The following NRP2 variants were observed in gnomAD, a reference collection of about 807,000 sequenced individuals.
NRP2 encodes the protein neuropilin-2.
In NRP2, 52 loss-of-function variants were observed where a neutral mutation model predicts 110.4. The observed-to-expected ratio is 0.47, with a 90% CI of 0.38 to 0.59. The LOEUF is 0.59. Among genes scored for constraint, NRP2 ranks in the 20% least tolerant of loss-of-function variants. The pLI is 0.00. For synonymous variants in NRP2, 508 were observed against 468.9 expected (o/e 1.08, Z -1.08); for missense variants, 1,049 against 1,203.0 (o/e 0.87, Z 1.89).
At chr2:205,792,754 T>A (rs533560628) in intron 16 of NRP2, among the ~76,000 whole-genome samples, 1 of 152,316 alleles carries the variant, frequency 6.6e-6, no homozygotes, top group South Asian at 2.1e-4. Flanking sequence ...TCTTGCAAGA[T>A]TTCGGTTTCT....
intron 12 of NRP2, among the ~76,000 whole-genome samples, chr2:205,757,908 T>C (rs2057759013): frequency 6.6e-6 from 1 of 151,192 alleles, no homozygotes; most frequent in African/African-American, 2.4e-5. Flanking sequence ...TTTTTTTTTT[T>C]TTCCTGCAAA....
intron 10 of NRP2, among the ~76,000 whole-genome samples, chr2:205,747,060 C>T (rs1156981061): frequency 6.6e-6 from 1 of 152,156 alleles, no homozygotes; most frequent in Admixed American, 6.5e-5. Context: ...AACCTCCCCC[C>T]GATACAAGCT....
intron 12 of NRP2, among the ~76,000 whole-genome samples, chr2:205,754,419 A>C (rs1410539974): frequency 1.3e-5 from 2 of 152,114 alleles, no homozygotes; most frequent in African/African-American, 4.8e-5. Context: ...TCCGGAGAAA[A>C]ACATTTTCAT....
At chr2:205,736,007 T>C (rs1268828481) in intron 7 of NRP2, among the ~76,000 whole-genome samples, 2 of 152,212 alleles carry the variant, frequency 1.3e-5, no homozygotes, top group Non-Finnish European at 1.5e-5. Context: ...TGATTTTCCT[T>C]TGGGTAGTAA....
Position 205,795,544 on chromosome 2 carries a change from CA to C in NRP2, c.*489del. On this transcript the variant is annotated 3_prime_UTR_variant, in exon 17 of 17. Transcript: ENST00000357785. Reference sequence around the variant, plus strand: ...TGTCTTTTCAGCCTTTCCATCTTTACAAATAAAACTCAAAAAAGCCGTCCAG... The same window carrying C: ...TGTCTTTTCAGCCTTTCCATCTTTACAATAAAACTCAAAAAAGCCGTCCAG... 1 of 152,574 alleles carries C rather than the reference CA, an allele frequency of 6.6e-6. No homozygotes were observed. Among genetic ancestry groups the C allele is most frequent in the Non-Finnish European group, 1.5e-5 (1 of 68,080 alleles). 9.5% of individuals were successfully genotyped at this position (152,574 alleles called of 1,614,324 possible).
chr2:205,757,615 G>A (rs1340483094), intron 12 of NRP2, among the ~76,000 whole-genome samples: 3 of 152,188 alleles, frequency 2.0e-5, no homozygotes, highest in South Asian at 2.1e-4. Context: ...ACCGATGGCA[G>A]CAAACAATCC....
intron 6 of NRP2, among the ~76,000 whole-genome samples, chr2:205,727,292 G>A (rs2105825071): frequency 6.6e-6 from 1 of 152,348 alleles, no homozygotes; most frequent in Admixed American, 6.5e-5. Context: ...TGTGGGAGGG[G>A]AAGTACCTTA....
rs143896442 is a variant in NRP2, at chr2:205,735,940, A to C, written c.1147-4579A>C. Among the ~76,000 whole-genome samples, 325 of 152,336 alleles carry C rather than the reference A, an allele frequency of 2.1e-3. 4 individuals carry two copies. Among genetic ancestry groups the C allele is most frequent in the Admixed American group, 0.015 (227 of 15,306 alleles). On this transcript the variant is annotated intron_variant, in intron 7 of 16. Coordinates refer to ENST00000357785, the MANE Select transcript of NRP2 (RefSeq NM_003872.3). ...ATACGCACACACATATATTTTTAAT[A>C]ATTACAACATAATCAACACTAGCAT... is the stretch of plus-strand genomic sequence containing the variant.
chr2:205,703,756 C>G (rs2056612715), intron 2 of NRP2, among the ~76,000 whole-genome samples: 1 of 152,074 alleles, frequency 6.6e-6, no homozygotes, highest in Non-Finnish European at 1.5e-5. Context: ...AGCAGCATGC[C>G]CAAAGACAAG....
At position 205,686,743 on chromosome 2, in the gene NRP2, G is replaced by A. The variant is rs551537081; in HGVS notation, c.73+3380G>A. Among the ~76,000 whole-genome samples the A allele has an allele frequency of 3.1e-4, 47 of 152,188 alleles. No homozygotes were observed. Among genetic ancestry groups the A allele is most frequent in the African/African-American group, 1.1e-3 (47 of 41,526 alleles). On this transcript the variant is annotated intron_variant, in intron 1 of 16. Coordinates refer to ENST00000357785, the MANE Select transcript of NRP2 (RefSeq NM_003872.3). The surrounding 1 kb of genome is among the most constrained non-coding windows in gnomAD (Gnocchi z 4.7). ...TATGCGTTGCGGCTTCTGCGGCTCC[G>A]GCTGAATTTCTTCTAAAAGATAGGA...
intron 1 of NRP2, among the ~76,000 whole-genome samples, chr2:205,690,258 A>C (rs2056281099): frequency 1.3e-5 from 2 of 152,208 alleles, no homozygotes; most frequent in African/African-American, 4.8e-5. Context: ...GAGGGGGTTG[A>C]GTAAAGAGAG....
chr2:205,718,478 T>C (rs2056944874), intron 3 of NRP2, among the ~76,000 whole-genome samples: 1 of 152,024 alleles, frequency 6.6e-6, no homozygotes, highest in Admixed American at 6.6e-5. Flanking sequence ...GTGGCCTGCT[T>C]TAAGGATTGG....
rs1330976388 is a variant in NRP2 at position 205,765,530 on chromosome 2, C to T, written c.2364C>T (p.Asp788=). 2.5e-6 allele frequency: 4 copies of T among 1,614,084 alleles called. No individual in the cohort carries two copies. Reference sequence around the variant, plus strand: ...GTTCCGGAGAGATTGCCATTGATGACATTCGGATAAGCACTGATGTCCCAC... The same window carrying T: ...GTTCCGGAGAGATTGCCATTGATGATATTCGGATAAGCACTGATGTCCCAC... The part of the protein sequence containing the change: ...KGRSGEIAID[D]IRISTDVPLE... The change falls in exon 14 of 17, where the codon GAC becomes GAT. Residue 788 remains aspartate, a synonymous_variant. Coordinates refer to ENST00000357785, the MANE Select transcript of NRP2 (RefSeq NM_003872.3).
Position 205,765,496 on chromosome 2 carries a change from G to A in NRP2, c.2330G>A (p.Gly777Glu). The change falls in exon 14 of 17, where the codon GGG becomes GAG. Residue 777 changes from glycine to glutamate, a missense_variant. By Grantham distance (98) the Gly-to-Glu change is moderately conservative (BLOSUM62 -2). Coordinates refer to ENST00000357785, the MANE Select transcript of NRP2 (RefSeq NM_003872.3). ...EYQIVFEGVI[G>E]KGRSGEIAID... The stretch of plus-strand genomic sequence containing the variant: ...TAGATTGTGTTCGAGGGAGTGATAG[G>A]GAAAGGACGTTCCGGAGAGATTGCC... The A allele has an allele frequency of 1.2e-6, 2 of 1,614,134 alleles. No homozygotes were observed. Among genetic ancestry groups the A allele is most frequent in the East Asian group, 4.5e-5 (2 of 44,882 alleles).
At chr2:205,690,816 C>T (rs1441341957) in intron 1 of NRP2, among the ~76,000 whole-genome samples, 1 of 151,952 alleles carries the variant, frequency 6.6e-6, no homozygotes, top group African/African-American at 2.4e-5. Flanking sequence ...TGTGAATGTG[C>T]TTTGAAATTT....
rs1196897063 is a variant in NRP2 at position 205,717,003 on chromosome 2, T to C, written c.433+629T>C. Among the ~76,000 whole-genome samples the C allele has an allele frequency of 3.9e-5, 6 of 152,236 alleles. No homozygotes were observed. The East Asian group carries it at 1.2e-3, about 29-fold the overall frequency. ...AAGAGTCAGAGGGCACTGCACTTGC[T>C]TTAAGTTGACTGCTTGATTTCCATC... On this transcript the variant is annotated intron_variant, in intron 3 of 16. Coordinates refer to ENST00000357785, the MANE Select transcript of NRP2 (RefSeq NM_003872.3).
chr2:205,692,338 A>G (rs997882027), intron 1 of NRP2, among the ~76,000 whole-genome samples: 2 of 152,226 alleles, frequency 1.3e-5, no homozygotes, highest in Admixed American at 6.5e-5. Flanking sequence ...AAGCCAAGAT[A>G]CAGATTTTAT....
chr2:205,769,572 A>G (rs934925998), intron 15 of NRP2, among the ~76,000 whole-genome samples: 1 of 151,604 alleles, frequency 6.6e-6, no homozygotes, highest in Non-Finnish European at 1.5e-5. Flanking sequence ...TGAGTCAGTA[A>G]TGAAGAAAAG....
rs748310698 is a variant in NRP2 at position 205,749,785 on chromosome 2, C to T, written c.1847C>T (p.Pro616Leu). ...PTVKSEETTTPYPTEEEATEC... is the reference protein window; with the variant it reads ...PTVKSEETTTLYPTEEEATEC... ...GTGAAGAGCGAAGAGACAACCACCC[C>T]CTACCCCACCGAAGAGGAGGCCACA... is the stretch of plus-strand genomic sequence containing the variant. The change falls in exon 11 of 17, where the codon CCC becomes CTC. Residue 616 changes from proline to leucine, a missense_variant. By Grantham distance (98) the Pro-to-Leu change is moderately conservative (BLOSUM62 -3). Transcript: ENST00000357785. The T allele has an allele frequency of 1.2e-6, 2 of 1,614,176 alleles. No individual in the cohort carries two copies. The highest frequency in any genetic ancestry group is 1.7e-5 in the Admixed American group (1 of 60,022).
Sources: allele counts gnomAD v4.1 joint callset (sites outside exome capture counted in the v4.1 genomes callset), GRCh38; gene constraint gnomAD v4.1.1; non-coding constraint Gnocchi (gnomAD v3.1); transcripts MANE v1.5; gene names NCBI Gene and HGNC (gene_info 2026-07-23, HGNC 2026-07-21).